WDHD1: variants seen among roughly 807,000 people sequenced by gnomAD.
The protein encoded by WDHD1 is WD repeat and HMG-box DNA binding protein 1.
A neutral mutation model predicts 135.4 loss-of-function variants in WDHD1; 111 were observed. The ratio of observed to expected loss-of-function variants is 0.82; its 90% CI spans 0.70 to 0.96. WDHD1 has a LOEUF of 0.96. WDHD1 is among the 40% of genes least tolerant of loss of function. The pLI is 0.00. For synonymous variants in WDHD1, 434 were observed against 439.0 expected (o/e 0.99, Z 0.14); for missense variants, 1,351 against 1,336.3 (o/e 1.01, Z -0.17).
At chr14:54,982,251 C>T (rs2041630914) in intron 15 of WDHD1, among the ~76,000 whole-genome samples, 1 of 152,036 alleles carries the variant, frequency 6.6e-6, no homozygotes, top group Non-Finnish European at 1.5e-5. Flanking sequence ...CCTTGTGATC[C>T]ACCCGCCTCA....
chr14:54,987,705 C>T (rs990766234), intron 13 of WDHD1, among the ~76,000 whole-genome samples: 1 of 152,078 alleles, frequency 6.6e-6, no homozygotes, highest in East Asian at 1.9e-4. Context: ...CTGCAACCTC[C>T]GCCTCCCAGG....
Position 55,010,392 on chromosome 14 carries a change from T to A in WDHD1, c.258A>T (p.Pro86=), listed in dbSNP as rs1416316312. The part of the protein sequence containing the change: ...IQVHTFPEGV[P]DGILTRFTTN... ...TAGTGAAGCGAGTCAATATACCATC[T>A]GGAACTCCTTCAGGAAATGTGTGGA... Residue 86 remains proline (P), a synonymous_variant, in exon 4 of 26, where the codon CCA becomes CCT. Transcript: ENST00000360586. 1.2e-6 allele frequency: 2 copies of A among 1,613,590 alleles called. No homozygotes were observed. Among genetic ancestry groups the A allele is most frequent in the Non-Finnish European group, 1.7e-6 (2 of 1,179,812 alleles).
chr14:54,950,259 C>T (rs1040218184), intron 24 of WDHD1, among the ~76,000 whole-genome samples: 1 of 152,158 alleles, frequency 6.6e-6, no homozygotes, highest in Non-Finnish European at 1.5e-5. Flanking sequence ...ATGTCATGTG[C>T]AGAGACACAC....
At position 54,955,602 on chromosome 14, in the gene WDHD1, T is replaced by G. The variant is rs1195169935; in HGVS notation, c.3009A>C (p.Glu1003Asp). ...TTTGAGGAGGACATATAGCTGGGGT[T>G]TCAGATAATACATTTTTAAGATTTT... is the stretch of plus-strand genomic sequence containing the variant. The part of the protein sequence containing the change: ...KEENLKNVLS[E>D]TPAICPPQNT... The change falls in exon 24 of 26, where the codon GAA (glutamate) becomes GAC (aspartate). Residue 1003 changes from glutamate (E) to aspartate (D), a missense_variant. Transcript: ENST00000360586. 15 of 1,594,380 alleles carry G rather than the reference T, an allele frequency of 9.4e-6. No individual in the cohort carries two copies. The highest frequency in any genetic ancestry group is 1.2e-5 in the Non-Finnish European group (14 of 1,173,410).
In WDHD1 at chr14:54,987,406, C is replaced by T. The variant is rs1218882591; in HGVS notation, c.1527-19G>A. ...AAGCTTGCTAAAAATTAAAACAAGA[C>T]AGAAACAATCAAACTTTCATATGAT... On this transcript the variant is annotated intron_variant, in intron 13 of 25. Coordinates refer to ENST00000360586, the MANE Select transcript of WDHD1 (RefSeq NM_007086.4). The T allele has an allele frequency of 4.5e-6, 7 of 1,553,562 alleles. No homozygotes were observed. The highest frequency in any genetic ancestry group is 6.1e-6 in the Non-Finnish European group (7 of 1,145,304).
chr14:54,969,370 A>G (rs2041396604), intron 16 of WDHD1, among the ~76,000 whole-genome samples: 1 of 151,984 alleles, frequency 6.6e-6, no homozygotes, highest in Non-Finnish European at 1.5e-5. Context: ...GAGAGAGAGA[A>G]AGAGAAAGTC....
chr14:54,957,460 G>A (rs1213878844), intron 22 of WDHD1, 132 bp downstream of exon 22: 9 of 910,844 alleles, frequency 9.9e-6, no homozygotes, highest in Admixed American at 9.2e-5. Flanking sequence ...CCCAAGTGCT[G>A]CTTTCTTCTG....
intron 8 of WDHD1, 76 bp from the exon 9 acceptor site, chr14:55,001,068 ATTTTC>A (rs1257249749): frequency 3.0e-6 from 3 of 1,008,258 alleles, no homozygotes; most frequent in Admixed American, 3.0e-5. Context: ...ACCAAATTCA[ATTTTC>A]TTTTCATTTT....
At chr14:54,955,528 G>A in intron 24 of WDHD1, 33 bp downstream of exon 24, 1 of 1,471,272 alleles carries the variant, frequency 6.8e-7, no homozygotes, top group Non-Finnish European at 9.0e-7. Flanking sequence ...TTTTTACTTG[G>A]TCACTGCATG....
chr14:54,962,824 T>C lies in WDHD1; in HGVS notation c.2561A>G (p.Gln854Arg). 2.5e-6 allele frequency: 4 copies of C among 1,613,076 alleles called. No individual in the cohort carries two copies. The highest frequency in any genetic ancestry group is 3.4e-6 in the Non-Finnish European group (4 of 1,180,008). ...GYSNTATEWS[Q>R]PRFRNQVEED... ...TTCAACTTGATTTCTGAACCTTGGT[T>C]GGCTCCACTCTGTAGCAGTATTGCT... The change falls in exon 20 of 26, where the codon CAA (glutamine) becomes CGA (arginine). Residue 854 changes from glutamine (Q) to arginine (R), a missense_variant. By Grantham distance (43) the Gln-to-Arg change is conservative. Around this residue, in one of 2 missense-constraint regions of WDHD1, gnomAD observed 1,330 missense variants for 1,296.1 expected, o/e 1.03. Transcript: ENST00000360586.
intron 16 of WDHD1, among the ~76,000 whole-genome samples, chr14:54,969,498 T>C (rs754956031): frequency 6.6e-6 from 1 of 151,944 alleles, no homozygotes; most frequent in African/African-American, 2.4e-5. Context: ...AACATAAAAC[T>C]TCCCAAGACT....
At chr14:54,996,373 C>T (rs2041878888) in intron 10 of WDHD1, among the ~76,000 whole-genome samples, 1 of 151,950 alleles carries the variant, frequency 6.6e-6, no homozygotes, top group Admixed American at 6.6e-5. Context: ...TTTGGGAAGC[C>T]GAAGCAGGTG....
intron 2 of WDHD1, among the ~76,000 whole-genome samples, chr14:55,020,663 T>C (rs2042331241): frequency 6.6e-6 from 1 of 152,152 alleles, no homozygotes; most frequent in African/African-American, 2.4e-5. Flanking sequence ...CTCTGGAAGG[T>C]ATCAGCCAAA....
At chr14:54,947,112 G>T (rs1289018709) in intron 24 of WDHD1, among the ~76,000 whole-genome samples, 13 of 152,092 alleles carry the variant, frequency 8.5e-5, no homozygotes, top group African/African-American at 2.9e-4. Flanking sequence ...GGCCAAGGCG[G>T]GTGGATCACC....
At chr14:54,989,293 C>T (rs892713675) in intron 12 of WDHD1, 81 bp from the exon 13 acceptor site, 11 of 977,266 alleles carry the variant, frequency 1.1e-5, no homozygotes, top group African/African-American at 1.7e-5. Context: ...TACAAATTAA[C>T]AAATATTATA....
At chr14:54,965,372 C>T (rs901104434) in intron 18 of WDHD1, among the ~76,000 whole-genome samples, 1 of 152,220 alleles carries the variant, frequency 6.6e-6, no homozygotes, top group African/African-American at 2.4e-5. Flanking sequence ...AGACACCAAA[C>T]CTGGCCACTG....
In WDHD1 at chr14:54,948,796, C is replaced by A. The variant is rs548664261; in HGVS notation, c.3051-4326G>T. On this transcript the variant is annotated intron_variant, in intron 24 of 25. Coordinates refer to ENST00000360586, the MANE Select transcript of WDHD1 (RefSeq NM_007086.4). ...ACACCTCACACGGCCGGGTACCCCT[C>A]TGAGACGAGGCTTCCAGAGGAATGA... is the stretch of plus-strand genomic sequence containing the variant. Among the ~76,000 whole-genome samples, 3 of 152,320 alleles carry A rather than the reference C, an allele frequency of 2.0e-5. No individual in the cohort carries two copies. In the East Asian group the frequency reaches 5.8e-4, roughly 29 times the overall value.
chr14:54,947,924 T>C (rs1566703353), intron 24 of WDHD1, among the ~76,000 whole-genome samples: 2 of 151,318 alleles, frequency 1.3e-5, no homozygotes. Flanking sequence ...AACGGATATA[T>C]TAAAAATAAG....
chr14:54,957,069 T>A lies in WDHD1; in HGVS notation c.2881A>T (p.Ile961Leu). 6.2e-7 allele frequency: 1 copy of A among 1,614,152 alleles called. No homozygotes were observed. Among genetic ancestry groups the A allele is most frequent in the Non-Finnish European group, 8.5e-7 (1 of 1,180,004 alleles). ...RTTNNEKSPI[I>L]KPLIPKPKPK... is the part of the protein sequence containing the mutation. ...TTCGGCTTTGGAATCAGAGGCTTTA[T>A]AATGGGAGACTTTTCATTATTTGTA... Residue 961 changes from isoleucine (I) to leucine (L), a missense_variant, in exon 23 of 26, where the codon ATA becomes TTA. Transcript: ENST00000360586.
Sources: allele counts gnomAD v4.1 joint callset (sites outside exome capture counted in the v4.1 genomes callset), GRCh38; gene constraint gnomAD v4.1.1; regional missense constraint gnomAD v4.1.1; transcripts MANE v1.5; gene names NCBI Gene and HGNC (gene_info 2026-07-23, HGNC 2026-07-21).